Variants in ARHGAP15 observed in about 807,000 individuals in gnomAD.
ARHGAP15 encodes the protein Rho GTPase activating protein 15.
ARHGAP15 carries 51 observed loss-of-function variants against 63.7 expected under a neutral mutation model. The ratio of observed to expected loss-of-function variants is 0.80; its 90% CI spans 0.64 to 1.01. The LOEUF is 1.01. Ranked by LOEUF, ARHGAP15 falls within the 50% of genes least tolerant of loss-of-function variation. ARHGAP15 has a pLI of 0.00. For synonymous variants in ARHGAP15, 191 were observed against 193.8 expected, an observed-to-expected ratio of 0.99 and a Z score of 0.12; for missense variants, 560 against 564.6, an observed-to-expected ratio of 0.99 and a Z score of 0.08.
intron 12 of ARHGAP15, among the ~76,000 whole-genome samples, chr2:143,638,957 A>G (rs1156419242): frequency 6.6e-6 from 1 of 152,048 alleles, no homozygotes; most frequent in Non-Finnish European, 1.5e-5. Context: ...GGTTACTATT[A>G]TTCTTCCTAT....
At chr2:143,562,314 A>G (rs1468516607) in intron 11 of ARHGAP15, among the ~76,000 whole-genome samples, 1 of 152,244 alleles carries the variant, frequency 6.6e-6, no homozygotes, top group African/African-American at 2.4e-5. Context: ...TCATCATGAA[A>G]TAAGCAATTG....
At chr2:143,273,403 T>C (rs867351497) in intron 6 of ARHGAP15, among the ~76,000 whole-genome samples, 1 of 152,100 alleles carries the variant, frequency 6.6e-6, no homozygotes, top group South Asian at 2.1e-4. Flanking sequence ...CCTTTGTAAG[T>C]TGAAAATATC....
chr2:143,144,241 G>A (rs1003823036), intron 1 of ARHGAP15, among the ~76,000 whole-genome samples: 2 of 151,856 alleles, frequency 1.3e-5, no homozygotes, highest in Non-Finnish European at 2.9e-5. Flanking sequence ...TGCATAAAGG[G>A]ATGATTTATA....
intron 6 of ARHGAP15, among the ~76,000 whole-genome samples, chr2:143,341,344 G>A (rs1685049398): frequency 6.6e-6 from 1 of 152,044 alleles, no homozygotes; most frequent in African/African-American, 2.4e-5. Flanking sequence ...CTGCTGTTGT[G>A]AAAATATTAG....
intron 6 of ARHGAP15, among the ~76,000 whole-genome samples, chr2:143,398,953 C>T (rs906709392): frequency 2.0e-4 from 31 of 151,926 alleles, no homozygotes; most frequent in Non-Finnish European, 4.4e-5. Flanking sequence ...GGTGAACAGG[C>T]GTTAAAGACA....
chr2:143,365,212 T>G (rs1686245106), intron 6 of ARHGAP15, among the ~76,000 whole-genome samples: 1 of 152,170 alleles, frequency 6.6e-6, no homozygotes, highest in Non-Finnish European at 1.5e-5. Flanking sequence ...TCTCCTATAC[T>G]TTGTCTTATC....
At chr2:143,603,006 A>G (rs938200696) in intron 11 of ARHGAP15, among the ~76,000 whole-genome samples, 5 of 152,210 alleles carry the variant, frequency 3.3e-5, no homozygotes, top group Non-Finnish European at 5.9e-5. Context: ...GCATGATAAA[A>G]TACTTATTTA....
At chr2:143,719,029 A>T (rs1684931030) in intron 13 of ARHGAP15, among the ~76,000 whole-genome samples, 1 of 152,164 alleles carries the variant, frequency 6.6e-6, no homozygotes, top group African/African-American at 2.4e-5. Flanking sequence ...CTTCCATTGG[A>T]CTAAGTAAAC....
chr2:143,287,258 G>A (rs574729512), intron 6 of ARHGAP15, among the ~76,000 whole-genome samples: 1 of 152,218 alleles, frequency 6.6e-6, no homozygotes, highest in South Asian at 2.1e-4. Context: ...TTAATGAAAT[G>A]TGCCCCAAAA....
chr2:143,662,315 T>A (rs1574796272), intron 12 of ARHGAP15, among the ~76,000 whole-genome samples: 2 of 149,150 alleles, frequency 1.3e-5, no homozygotes, highest in Admixed American at 6.7e-5. Flanking sequence ...CACTGACACC[T>A]CACACGGCAG....
intron 8 of ARHGAP15, among the ~76,000 whole-genome samples, chr2:143,442,403 T>C (rs2105108913): frequency 6.6e-6 from 1 of 152,218 alleles, no homozygotes; most frequent in Non-Finnish European, 1.5e-5. Context: ...TAGCATTGCT[T>C]TCGATCTAGT....
intron 6 of ARHGAP15, among the ~76,000 whole-genome samples, chr2:143,254,631 GTC>G (rs1261366178): frequency 1.3e-5 from 2 of 151,980 alleles, no homozygotes; most frequent in East Asian, 3.9e-4. Context: ...ATATGTGAGA[GTC>G]TCAGAGCACT....
At chr2:143,469,782 A>G (rs1691426995) in intron 8 of ARHGAP15, among the ~76,000 whole-genome samples, 3 of 152,214 alleles carry the variant, frequency 2.0e-5, no homozygotes, top group Admixed American at 2.0e-4. Flanking sequence ...TGAGTGAAAT[A>G]TATTTTTAAA....
intron 12 of ARHGAP15, among the ~76,000 whole-genome samples, chr2:143,650,981 A>C (rs540860904): frequency 6.6e-6 from 1 of 152,038 alleles, no homozygotes; most frequent in East Asian, 1.9e-4. Flanking sequence ...CTCCTGCAGG[A>C]AACTCCTGTA....
chr2:143,438,995 A>C (rs1422457273), intron 8 of ARHGAP15, among the ~76,000 whole-genome samples: 1 of 152,220 alleles, frequency 6.6e-6, no homozygotes, highest in South Asian at 2.1e-4. Flanking sequence ...ATTAAGTAAC[A>C]GTCACTTTAA....
chr2:143,385,317 G>C (rs1346357170), intron 6 of ARHGAP15, among the ~76,000 whole-genome samples: 1 of 152,078 alleles, frequency 6.6e-6, no homozygotes, highest in Non-Finnish European at 1.5e-5. Context: ...ACTAAAAAAA[G>C]GTCAACCGAA....
intron 4 of ARHGAP15, among the ~76,000 whole-genome samples, chr2:143,217,625 T>G (rs1488329914): frequency 1.3e-5 from 2 of 152,114 alleles, no homozygotes; most frequent in African/African-American, 4.8e-5. Flanking sequence ...AATTGGGTTC[T>G]GAAGGAACAA....
At chr2:143,132,112 T>G (rs1384481166) in intron 1 of ARHGAP15, among the ~76,000 whole-genome samples, 1 of 152,220 alleles carries the variant, frequency 6.6e-6, no homozygotes, top group Non-Finnish European at 1.5e-5. Context: ...CATTGAACAC[T>G]CTGAATTTAA....
chr2:143,528,135 A>G (rs1407516306), intron 10 of ARHGAP15, among the ~76,000 whole-genome samples: 1 of 152,124 alleles, frequency 6.6e-6, no homozygotes, highest in Non-Finnish European at 1.5e-5. Context: ...ACTCATTTTC[A>G]TCAGAGGAAG....
Sources: allele counts gnomAD v4.1 joint callset (sites outside exome capture counted in the v4.1 genomes callset), GRCh38; gene constraint gnomAD v4.1.1; transcripts MANE v1.5; gene names NCBI Gene and HGNC (gene_info 2026-07-23, HGNC 2026-07-21).